LINGO2: variants seen among roughly 807,000 people sequenced by gnomAD.
LINGO2 encodes leucine rich repeat and Ig domain containing 2, also known as leucine-rich repeat and immunoglobulin-like domain-containing nogo receptor-interacting protein 2.
A neutral mutation model predicts 30.6 loss-of-function variants in LINGO2; 14 were observed. That is an observed-to-expected ratio of 0.46 (90% CI 0.30 to 0.72). LINGO2 has a LOEUF of 0.72. Ranked by LOEUF, LINGO2 falls within the 30% of genes least tolerant of loss-of-function variation. LINGO2 has a pLI of 0.07. For synonymous variants in LINGO2, 317 were observed against 288.5 expected, an observed-to-expected ratio of 1.10 and a Z score of -1.00; for missense variants, 729 against 751.7, an observed-to-expected ratio of 0.97 and a Z score of 0.35.
the LINGO2 span, among the ~76,000 whole-genome samples, chr9:28,909,610 C>T: frequency 2.0e-5 from 3 of 151,976 alleles, no homozygotes; most frequent in Non-Finnish European, 4.4e-5. Flanking sequence ...ATGTCTTGGG[C>T]TTCAATATCA....
chr9:29,043,295 G>A, the LINGO2 span, among the ~76,000 whole-genome samples: 2 of 151,896 alleles, frequency 1.3e-5, no homozygotes, highest in Non-Finnish European at 2.9e-5. Context: ...CTTGGATTCT[G>A]CTCCATTTCC....
the LINGO2 span, among the ~76,000 whole-genome samples, chr9:28,736,346 T>C: frequency 6.6e-6 from 1 of 152,180 alleles, no homozygotes; most frequent in East Asian, 1.9e-4. Context: ...CAGAATAATG[T>C]TAGCAGTATG....
At chr9:28,605,647 G>C (rs1825665824) in intron 1 of LINGO2, among the ~76,000 whole-genome samples, 1 of 152,022 alleles carries the variant, frequency 6.6e-6, no homozygotes, top group Non-Finnish European at 1.5e-5. Context: ...CCTAAGTTAA[G>C]CTTCTTCTTC....
intron 4 of LINGO2, among the ~76,000 whole-genome samples, chr9:28,036,828 CAGG>C (rs1467365032): frequency 1.3e-5 from 2 of 152,122 alleles, no homozygotes; most frequent in South Asian, 2.1e-4. Context: ...TCAAAAGAAG[CAGG>C]AGAAGCCAGA....
chr9:28,751,699 G>C, the LINGO2 span, among the ~76,000 whole-genome samples: 12 of 151,818 alleles, frequency 7.9e-5, no homozygotes, highest in Non-Finnish European at 1.6e-4. Context: ...ATACTCATTT[G>C]TTTATCTATT....
At chr9:28,950,289 T>C in the LINGO2 span, among the ~76,000 whole-genome samples, 2 of 152,164 alleles carry the variant, frequency 1.3e-5, no homozygotes, top group Non-Finnish European at 2.9e-5. Context: ...GCCAATATCA[T>C]ATGGAATGGG....
At chr9:28,665,114 C>T (rs1048109569) in intron 1 of LINGO2, among the ~76,000 whole-genome samples, 32 of 145,496 alleles carry the variant, frequency 2.2e-4, no homozygotes, top group Admixed American at 1.5e-3. Context: ...TTTTAGTAGG[C>T]CAAAAAAGGT....
At chr9:28,479,275 T>A (rs1184457843) in intron 1 of LINGO2, among the ~76,000 whole-genome samples, 1 of 151,956 alleles carries the variant, frequency 6.6e-6, no homozygotes, top group Non-Finnish European at 1.5e-5. Context: ...CTTGTTTTTA[T>A]AATCAAGGGA....
intron 1 of LINGO2, among the ~76,000 whole-genome samples, chr9:28,573,983 T>A (rs7018917): frequency 0.028 from 4,223 of 152,202 alleles, 188 homozygotes; most frequent in African/African-American, 0.094. Flanking sequence ...TTCTAAATTT[T>A]AAAAAATGAC....
chr9:28,618,680 T>C (rs574616977), intron 1 of LINGO2, among the ~76,000 whole-genome samples: 72 of 152,312 alleles, frequency 4.7e-4, no homozygotes, highest in Non-Finnish European at 8.5e-4. Flanking sequence ...TTTAGTTCTA[T>C]CTGTAATGTT....
At chr9:28,074,510 A>G (rs1825568254) in intron 4 of LINGO2, among the ~76,000 whole-genome samples, 1 of 152,212 alleles carries the variant, frequency 6.6e-6, no homozygotes, top group African/African-American at 2.4e-5. Context: ...GTCTTCCAGA[A>G]CATAACAGCT....
chr9:28,278,852 T>G (rs1474639352), intron 4 of LINGO2, among the ~76,000 whole-genome samples: 1 of 152,190 alleles, frequency 6.6e-6, no homozygotes, highest in Non-Finnish European at 1.5e-5. Flanking sequence ...GCTCCATAGA[T>G]AGTGATTCCT....
chr9:27,956,836 T>C (rs1819595258), intron 5 of LINGO2, among the ~76,000 whole-genome samples: 1 of 152,202 alleles, frequency 6.6e-6, no homozygotes, highest in South Asian at 2.1e-4. Context: ...CTCACACGTG[T>C]AATCCCAGCA....
the LINGO2 span, among the ~76,000 whole-genome samples, chr9:28,870,356 T>A: frequency 2.0e-5 from 3 of 152,082 alleles, no homozygotes; most frequent in Non-Finnish European, 4.4e-5. Context: ...AACTTCATGA[T>A]TGTGAACATA....
intron 1 of LINGO2, among the ~76,000 whole-genome samples, chr9:28,625,025 G>A (rs115191497): frequency 3.9e-5 from 6 of 151,924 alleles, no homozygotes; most frequent in South Asian, 2.1e-4. Context: ...CCCCTGGCTC[G>A]AAGACCAGCC....
intron 1 of LINGO2, among the ~76,000 whole-genome samples, chr9:28,499,894 GCA>G (rs1819816655): frequency 6.6e-6 from 1 of 152,076 alleles, no homozygotes; most frequent in South Asian, 2.1e-4. Flanking sequence ...TGCCATAGTT[GCA>G]CAGTCACACA....
chr9:28,637,251 A>G (rs933325351), intron 1 of LINGO2, among the ~76,000 whole-genome samples: 1 of 152,154 alleles, frequency 6.6e-6, no homozygotes, highest in African/African-American at 2.4e-5. Context: ...GAAATCAGGT[A>G]GCGTGATGCC....
chr9:29,132,053 A>G, the LINGO2 span, among the ~76,000 whole-genome samples: 1 of 151,894 alleles, frequency 6.6e-6, no homozygotes, highest in Non-Finnish European at 1.5e-5. Context: ...ACTGCTGGCC[A>G]TCAAGAAGCT....
At chr9:28,402,114 C>T (rs954046262) in intron 2 of LINGO2, among the ~76,000 whole-genome samples, 1 of 152,154 alleles carries the variant, frequency 6.6e-6, no homozygotes, top group Non-Finnish European at 1.5e-5. Context: ...AATTCTAAAA[C>T]CCCACCCAGG....
Sources: allele counts gnomAD v4.1 joint callset (sites outside exome capture counted in the v4.1 genomes callset), GRCh38; gene constraint gnomAD v4.1.1; transcripts MANE v1.5; gene names NCBI Gene and HGNC (gene_info 2026-07-23, HGNC 2026-07-21).